The following RABL6 variants were observed in gnomAD, a reference collection of about 807,000 sequenced individuals.
RABL6 encodes RAB, member RAS oncogene family like 6, also known as rab-like protein 6.
Under a neutral mutation model 72.9 loss-of-function variants are expected in RABL6, and 28 were observed. The observed-to-expected ratio is 0.38, with a 90% confidence interval of 0.28 to 0.53. The LOEUF (loss-of-function observed/expected upper bound fraction) is 0.53, where lower values mean the gene tolerates loss of function less well. Ranked by LOEUF, RABL6 falls within the 20% of genes least tolerant of loss-of-function variation. The pLI is 0.80. For synonymous variants in RABL6, 477 were observed against 421.2 expected (o/e 1.13, Z -1.62); for missense variants, 1,029 against 1,008.4 (o/e 1.02, Z -0.28).
At chr9:136,832,541 G>A in intron 7 of RABL6, 171 bp downstream of exon 7, 2 of 718,336 alleles carry the variant, frequency 2.8e-6, no homozygotes, top group Non-Finnish European at 5.1e-6. Flanking sequence ...GCTCTGGGTG[G>A]CAGAGGGTAC....
At chr9:136,835,371 A>C in intron 7 of RABL6, 1 of 178,422 alleles carries the variant, frequency 5.6e-6, no homozygotes. Context: ...TCCTGCCACC[A>C]GAGGAGGTGT....
chr9:136,821,669 G>T lies in RABL6; in HGVS notation c.131-1856G>T, dbSNP rs1426542430. 8.1e-6 allele frequency: 8 copies of T among 990,562 alleles called. No individual in the cohort carries two copies. The African/African-American group carries it at 1.2e-4, about 15-fold the overall frequency. 61.4% of individuals were successfully genotyped at this position (990,562 alleles called of 1,614,324 possible). A position where few individuals can be genotyped will look rare whatever the true frequency, so the allele number is the denominator to read the frequency against. ...CGGCCCGTCTCGGGCCTCCCGCCGCGCTGGGGCCTGGCTCCCTCCTGGCTG... is the reference window on the plus strand; with the variant it reads ...CGGCCCGTCTCGGGCCTCCCGCCGCTCTGGGGCCTGGCTCCCTCCTGGCTG... On this transcript the variant is annotated intron_variant, in intron 1 of 14. Coordinates refer to ENST00000311502, the MANE Select transcript of RABL6 (RefSeq NM_024718.5).
chr9:136,813,560 A>T, intron 1 of RABL6: 1 of 392,376 alleles, frequency 2.5e-6, no homozygotes, highest in Admixed American at 3.6e-5. Flanking sequence ...CAATATAAGC[A>T]GTCCCTTTAC....
At chr9:136,832,109 G>A in intron 6 of RABL6, 156 bp from the exon 7 acceptor site, 4 of 872,954 alleles carry the variant, frequency 4.6e-6, no homozygotes, top group Non-Finnish European at 7.0e-6. Flanking sequence ...AGGGCACTCG[G>A]CTTAGCTGCT....
chr9:136,829,267 G>A (rs1006652518), intron 4 of RABL6, 126 bp from the exon 5 acceptor site: 37 of 755,664 alleles, frequency 4.9e-5, no homozygotes, highest in Non-Finnish European at 6.8e-5. Context: ...TCAGCATATC[G>A]TTTCCAAATG....
intron 1 of RABL6, among the ~76,000 whole-genome samples, chr9:136,820,071 C>T (rs374003695): frequency 6.0e-4 from 91 of 152,044 alleles, no homozygotes; most frequent in African/African-American, 2.0e-3. Flanking sequence ...TGGCGGCTTG[C>T]GCCTGTAGTC....
chr9:136,829,356 C>T, intron 4 of RABL6, 37 bp from the exon 5 acceptor site: 2 of 1,511,640 alleles, frequency 1.3e-6, no homozygotes, highest in East Asian at 2.4e-5. Flanking sequence ...GGGGCCCAGC[C>T]TGGGCCAGTC....
chr9:136,815,340 GA>G, intron 1 of RABL6: 1 of 277,114 alleles, frequency 3.6e-6, no homozygotes, highest in South Asian at 4.0e-5. Context: ...TTTTGTTCGG[GA>G]AACTGTCACC....
chr9:136,810,698 C>T (rs1032291361), intron 1 of RABL6, among the ~76,000 whole-genome samples: 3 of 152,120 alleles, frequency 2.0e-5, no homozygotes, highest in African/African-American at 7.2e-5. Flanking sequence ...CCGGCCACCA[C>T]GCCCGGCTAA....
Position 136,808,150 on chromosome 9 carries a change from C to T in RABL6, c.-47C>T. The stretch of plus-strand genomic sequence containing the variant: ...GCCAGTCGCACCCCTTCCCCGCCGC[C>T]GCTGAGCTCGCCGGCCGCGCCCGGG... On this transcript the variant is annotated 5_prime_UTR_variant, in exon 1 of 15. Coordinates refer to ENST00000311502, the MANE Select transcript of RABL6 (RefSeq NM_024718.5). 2 of 1,468,542 alleles carry T rather than the reference C, an allele frequency of 1.4e-6. No individual in the cohort carries two copies. The highest frequency in any genetic ancestry group is 1.8e-6 in the Non-Finnish European group (2 of 1,105,726). 91.0% of individuals were successfully genotyped at this position (1,468,542 alleles called of 1,614,324 possible).
chr9:136,822,326 A>C (rs373634319), intron 1 of RABL6, among the ~76,000 whole-genome samples: 11 of 152,092 alleles, frequency 7.2e-5, no homozygotes, highest in Middle Eastern at 6.8e-3. Flanking sequence ...CTCCCCACCA[A>C]CCCGGCTCCC....
intron 4 of RABL6, 75 bp downstream of exon 4, chr9:136,828,621 A>G (rs1399654653): frequency 2.7e-6 from 4 of 1,505,436 alleles, no homozygotes; most frequent in Non-Finnish European, 3.7e-6. Context: ...AGCGCTTCAC[A>G]CGCTTTTGAC....
chr9:136,840,765 C>T lies in RABL6; in HGVS notation c.*243C>T. On this transcript the variant is annotated 3_prime_UTR_variant, in exon 15 of 15. Coordinates refer to ENST00000311502, the MANE Select transcript of RABL6 (RefSeq NM_024718.5). ...GCTGGCTTCAGCCAGGCTCGGTGGA[C>T]ACCCTGGCCCTCTCGGGGCAGAGCC... is the stretch of plus-strand genomic sequence containing the variant. 2 of 1,548,170 alleles carry T rather than the reference C, an allele frequency of 1.3e-6. No homozygotes were observed. The highest frequency in any genetic ancestry group is 1.7e-6 in the Non-Finnish European group (2 of 1,146,810).
Position 136,823,636 on chromosome 9 carries a change from C to A in RABL6, c.242C>A (p.Thr81Asn). 1 of 1,612,608 alleles carries A rather than the reference C, an allele frequency of 6.2e-7. No homozygotes were observed. Among genetic ancestry groups the A allele is most frequent in the Non-Finnish European group, 8.5e-7 (1 of 1,179,166 alleles). ...EYIPTQEIQV[T>N]SIHWSYKTTD... is the part of the protein sequence containing the mutation. ...ATCCCCACACAGGAGATCCAGGTCA[C>A]CAGCATCCACTGGAGCTACAAGAGT... The change falls in exon 2 of 15, where the codon ACC becomes AAC. Residue 81 changes from threonine (T) to asparagine (N), a missense_variant. By Grantham distance (65) the Thr-to-Asn change is moderately conservative. This residue lies in a region of RABL6 where 434 missense variants were observed against 536.1 expected (regional missense o/e 0.81). Coordinates refer to ENST00000311502, the MANE Select transcript of RABL6 (RefSeq NM_024718.5).
Position 136,837,985 on chromosome 9 carries a change from G to A in RABL6, c.1250G>A (p.Gly417Glu). The stretch of plus-strand genomic sequence containing the variant: ...CCCGCCAGGGACGAGAAGAAGGTGG[G>A]GGCCAAGGCTGCCCAGCAGGACAGC... ...TTPARDEKKVGAKAAQQDSDS... is the reference protein window; with the variant it reads ...TTPARDEKKVEAKAAQQDSDS... Residue 417 changes from glycine (G) to glutamate (E), a missense_variant, in exon 10 of 15, where the codon GGG (glycine) becomes GAG (glutamate). Gly to Glu is a moderately conservative substitution (Grantham distance 98). Around this residue, in one of 2 missense-constraint regions of RABL6, gnomAD observed 595 missense variants for 472.4 expected, o/e 1.26. Coordinates refer to ENST00000311502, the MANE Select transcript of RABL6 (RefSeq NM_024718.5). 2 of 1,569,386 alleles carry A rather than the reference G, an allele frequency of 1.3e-6. No homozygotes were observed. The highest frequency in any genetic ancestry group is 1.7e-6 in the Non-Finnish European group (2 of 1,158,078).
At chr9:136,840,098 C>G in intron 13 of RABL6, 56 bp from the exon 14 acceptor site, 7 of 1,610,486 alleles carry the variant, frequency 4.3e-6, no homozygotes, top group Non-Finnish European at 5.9e-6. Flanking sequence ...TCCTGTCACC[C>G]AGCTTGGGGT....
intron 2 of RABL6, among the ~76,000 whole-genome samples, chr9:136,824,803 G>A (rs1432031491): frequency 6.6e-6 from 1 of 152,192 alleles, no homozygotes; most frequent in African/African-American, 2.4e-5. Flanking sequence ...GCCTGGGAGG[G>A]TGGTGCTGGG....
rs144098836 is a variant in RABL6, at chr9:136,839,248, G to A, written c.1520G>A (p.Arg507Gln). Residue 507 changes from arginine to glutamine, a missense_variant, in exon 12 of 15, where the codon CGG (arginine) becomes CAG (glutamine). Arg to Gln is a conservative substitution (Grantham distance 43, BLOSUM62 1). Transcript: ENST00000311502. ...KWSSIPASKP[R>Q]RGTAPTRTAA... ...TCCTCCATACCAGCTTCGAAGCCAC[G>A]GAGGGGGACAGCTCCCACGAGGACC... 1.5e-4 allele frequency: 235 copies of A among 1,603,352 alleles called. No homozygotes were observed. The highest frequency in any genetic ancestry group is 6.9e-4 in the Middle Eastern group (4 of 5,786).
At chr9:136,835,879 G>T in intron 8 of RABL6, 34 bp downstream of exon 8, 1 of 1,536,656 alleles carries the variant, frequency 6.5e-7, no homozygotes, top group Non-Finnish European at 8.8e-7. Context: ...CGGGCGGTGT[G>T]GGGGCTGCGG....
Sources: allele counts gnomAD v4.1 joint callset (sites outside exome capture counted in the v4.1 genomes callset), GRCh38; gene constraint gnomAD v4.1.1; regional missense constraint gnomAD v4.1.1; transcripts MANE v1.5; gene names NCBI Gene and HGNC (gene_info 2026-07-23, HGNC 2026-07-21).